DYNC2I2: variants seen among roughly 807,000 people sequenced by gnomAD.
DYNC2I2 encodes the protein cytoplasmic dynein 2 intermediate chain 2.
Under a neutral mutation model 52.0 loss-of-function variants are expected in DYNC2I2, and 39 were observed. The observed-to-expected ratio is 0.75, with a 90% CI of 0.58 to 0.98. The LOEUF (loss-of-function observed/expected upper bound fraction) is 0.98, where lower values mean the gene tolerates loss of function less well. Ranked by LOEUF, DYNC2I2 falls within the 50% of genes least tolerant of loss-of-function variation. The pLI is 0.00. For synonymous variants in DYNC2I2, 359 were observed against 321.1 expected, an observed-to-expected ratio of 1.12 and a Z score of -1.26; for missense variants, 743 against 728.4, an observed-to-expected ratio of 1.02 and a Z score of -0.23.
chr9:128,644,755 A>C (rs1402095200), intron 1 of DYNC2I2, among the ~76,000 whole-genome samples: 2 of 152,238 alleles, frequency 1.3e-5, no homozygotes, highest in Non-Finnish European at 2.9e-5. Flanking sequence ...CCTGCACTGC[A>C]CAAGCCTATC....
rs1490277135 is a variant in DYNC2I2 at position 128,638,336 on chromosome 9, G to A, written c.436-1309C>T. Among the ~76,000 whole-genome samples the A allele has an allele frequency of 2.0e-5, 3 of 151,964 alleles. No individual in the cohort carries two copies. In the East Asian group the frequency reaches 5.8e-4, roughly 29 times the overall value. On this transcript the variant is annotated intron_variant, in intron 2 of 8. Coordinates refer to ENST00000372715, the MANE Select transcript of DYNC2I2 (RefSeq NM_052844.4). Reference sequence around the variant, plus strand: ...GTTCAAGACCATCCTGGCCAACATGGTGAAACCCATCTCTACTAAAAATAC... The same window carrying A: ...GTTCAAGACCATCCTGGCCAACATGATGAAACCCATCTCTACTAAAAATAC...
At chr9:128,640,172 TA>T (rs1222981261) in intron 2 of DYNC2I2, among the ~76,000 whole-genome samples, 2 of 152,060 alleles carry the variant, frequency 1.3e-5, no homozygotes, top group African/African-American at 2.4e-5. Flanking sequence ...TACGCCCGGC[TA>T]ATTTTTTTTT....
chr9:128,657,501 AAATAAAG>A (rs973386069), upstream of DYNC2I2, among the ~76,000 whole-genome samples: 1 of 152,030 alleles, frequency 6.6e-6, no homozygotes, highest in Non-Finnish European at 1.5e-5. Flanking sequence ...TAAAAAATAA[AAATAAAG>A]AATAAACAAA....
intron 1 of DYNC2I2, among the ~76,000 whole-genome samples, chr9:128,655,772 G>C (rs191010577): frequency 6.6e-6 from 1 of 151,246 alleles, no homozygotes; most frequent in Non-Finnish European, 1.5e-5. Context: ...TTAGCCAGGC[G>C]TGCTGGCGGC....
At chr9:128,683,599 A>T in the DYNC2I2 span, 1 of 320,184 alleles carries the variant, frequency 3.1e-6, no homozygotes, top group Non-Finnish European at 5.8e-6. Flanking sequence ...GGAGGTCTAG[A>T]AAGCACAGGG....
the DYNC2I2 span, among the ~76,000 whole-genome samples, chr9:128,676,521 T>A: frequency 1.5e-5 from 2 of 133,418 alleles, no homozygotes; most frequent in African/African-American, 5.6e-5. Context: ...AGTGAGGTCT[T>A]ATGTGTTTGA....
chr9:128,645,188 TAAA>T (rs60929747), intron 1 of DYNC2I2, among the ~76,000 whole-genome samples: 8 of 143,280 alleles, frequency 5.6e-5, no homozygotes, highest in Admixed American at 7.0e-5. Flanking sequence ...CCATCTCTAC[TAAA>T]AAAAAAAAAA....
the DYNC2I2 span, among the ~76,000 whole-genome samples, chr9:128,674,071 G>A: frequency 4.6e-5 from 7 of 151,740 alleles, no homozygotes; most frequent in East Asian, 9.7e-4. Flanking sequence ...CCCTCCCAAA[G>A]TGCTGGGATT....
the DYNC2I2 span, among the ~76,000 whole-genome samples, chr9:128,667,615 G>A: frequency 2.0e-5 from 3 of 151,664 alleles, no homozygotes; most frequent in African/African-American, 7.3e-5. Context: ...CTGACACCAG[G>A]CTGGAGTGCA....
At chr9:128,636,045 TG>T in intron 4 of DYNC2I2, 1 of 755,022 alleles carries the variant, frequency 1.3e-6, no homozygotes, top group Non-Finnish European at 2.3e-6. Context: ...CTGCCTCTTC[TG>T]GCCTCTCCAC....
At chr9:128,635,502 T>G (rs911855381) in intron 5 of DYNC2I2, 156 bp downstream of exon 5, 1 of 798,422 alleles carries the variant, frequency 1.3e-6, no homozygotes, top group African/African-American at 1.7e-5. Context: ...GCCCTGGGAG[T>G]GGCTCCTGAG....
chr9:128,670,752 G>GA, the DYNC2I2 span, among the ~76,000 whole-genome samples: 81 of 144,950 alleles, frequency 5.6e-4, 2 homozygotes, highest in South Asian at 0.017. Context: ...AACAACAAAA[G>GA]AAAAAAAAAA....
rs1860315826 is a variant in DYNC2I2, at chr9:128,634,332, C to T, written c.1266G>A (p.Met422Ile). 1 of 1,611,512 alleles carries T rather than the reference C, an allele frequency of 6.2e-7. No homozygotes were observed. The highest frequency in any genetic ancestry group is 1.1e-5 in the South Asian group (1 of 90,790). Residue 422 changes from methionine (M) to isoleucine (I), a missense_variant, in exon 8 of 9, where the codon ATG becomes ATA. Coordinates refer to ENST00000372715, the MANE Select transcript of DYNC2I2 (RefSeq NM_052844.4). ...GCGAAGTCAAGGGAGGGGCCTGCAG[C>T]ATGGAGTACAGGTGGACATGCCCGT... Reference protein sequence around the residue: ...GTDGHVHLYSMLQAPPLTSLQ... With the variant: ...GTDGHVHLYSILQAPPLTSLQ...
the DYNC2I2 span, among the ~76,000 whole-genome samples, chr9:128,667,953 G>C: frequency 5.3e-5 from 6 of 112,808 alleles, no homozygotes; most frequent in African/African-American, 2.2e-4. Flanking sequence ...GGATGGTCTC[G>C]ATCTCTTTTT....
At position 128,640,835 on chromosome 9, in the gene DYNC2I2, C is replaced by T; in HGVS notation, c.291G>A (p.Val97=). The change falls in exon 2 of 9, where the codon GTG becomes GTA. Residue 97 remains valine (V), a synonymous_variant. Transcript: ENST00000372715. ...GTATGTCATACTGGGACGGGGGCTG[C>T]ACGCTGACAGGCACGGGGGCCTCCG... is the stretch of plus-strand genomic sequence containing the variant. ...VQTEAPVPVS[V]QPPSQYDIPR... is the part of the protein sequence containing the mutation. 4 of 1,613,976 alleles carry T rather than the reference C, an allele frequency of 2.5e-6. No homozygotes were observed. The highest frequency in any genetic ancestry group is 3.4e-6 in the Non-Finnish European group (4 of 1,179,958).
chr9:128,649,516 C>A (rs548896715), intron 1 of DYNC2I2, among the ~76,000 whole-genome samples: 229 of 151,174 alleles, frequency 1.5e-3, no homozygotes, highest in Middle Eastern at 3.4e-3. Context: ...TGGTGAAACC[C>A]TGCCTCTACT....
At position 128,635,169 on chromosome 9, in the gene DYNC2I2, C is replaced by T. The variant is rs373253932; in HGVS notation, c.904G>A (p.Gly302Arg). Residue 302 changes from glycine to arginine, a missense_variant, in exon 6 of 9, where the codon GGG (glycine) becomes AGG (arginine). Transcript: ENST00000372715. ...TCTGTGAGCTGCAGCTGGCCTACCC[C>T]GATGCCCTGCCAGAGTAGCACCTTC... The part of the protein sequence containing the change: ...DGKVLLWQGI[G>R]VGQLQLTEGF... 3.2e-5 allele frequency: 52 copies of T among 1,613,380 alleles called. No homozygotes were observed. The highest frequency in any genetic ancestry group is 4.5e-5 in the East Asian group (2 of 44,892).
In DYNC2I2 at chr9:128,633,971, G is replaced by T; in HGVS notation, c.1384C>A (p.Leu462Met). 1 of 1,613,026 alleles carries T rather than the reference G, an allele frequency of 6.2e-7. No individual in the cohort carries two copies. The highest frequency in any genetic ancestry group is 8.5e-7 in the Non-Finnish European group (1 of 1,180,026). ...TGGGAGCTTTTCTGGAGATCAAACA[G>T]CTGCACGTCACCTGCAAAGAGAGAC... ...AAASGKGDVQ[L>M]FDLQKSSQKP... The change falls in exon 9 of 9, where the codon CTG becomes ATG. Residue 462 changes from leucine (L) to methionine (M), a missense_variant. Physicochemically the swap from Leu to Met is conservative, Grantham distance 15. Coordinates refer to ENST00000372715, the MANE Select transcript of DYNC2I2 (RefSeq NM_052844.4).
chr9:128,635,580 T>G, intron 5 of DYNC2I2, 78 bp downstream of exon 5: 1 of 1,333,754 alleles, frequency 7.5e-7, no homozygotes, highest in Non-Finnish European at 1.0e-6. Flanking sequence ...AACGCCCGGG[T>G]GACCTTCCTA....
Sources: allele counts gnomAD v4.1 joint callset (sites outside exome capture counted in the v4.1 genomes callset), GRCh38; gene constraint gnomAD v4.1.1; transcripts MANE v1.5; gene names NCBI Gene and HGNC (gene_info 2026-07-23, HGNC 2026-07-21).